SLC16A12: variants seen among roughly 807,000 people sequenced by gnomAD.
SLC16A12 encodes solute carrier family 16 member 12.
A neutral mutation model predicts 42.4 loss-of-function variants in SLC16A12; 17 were observed. The observed-to-expected ratio is 0.40, with a 90% CI of 0.27 to 0.60. The LOEUF (loss-of-function observed/expected upper bound fraction) is 0.60. Ranked by LOEUF, SLC16A12 falls within the 20% of genes least tolerant of loss-of-function variation. The probability of loss-of-function intolerance (pLI) is 0.42; values close to 1 mark genes in which losing one functional copy is unlikely to be tolerated. For synonymous variants in SLC16A12, 224 were observed against 229.4 expected, an observed-to-expected ratio of 0.98 and a Z score of 0.21; for missense variants, 544 against 623.0, an observed-to-expected ratio of 0.87 and a Z score of 1.35.
intron 2 of SLC16A12, among the ~76,000 whole-genome samples, chr10:89,528,692 G>A (rs1843494208): frequency 6.6e-6 from 1 of 152,090 alleles, no homozygotes; most frequent in African/African-American, 2.4e-5. Context: ...TTTCTAAAGA[G>A]GCACAAAATT....
upstream of SLC16A12, among the ~76,000 whole-genome samples, chr10:89,537,165 T>TTTTA (rs1186991213): frequency 3.5e-4 from 51 of 145,024 alleles, no homozygotes; most frequent in East Asian, 5.2e-3. Flanking sequence ...TTTTTTTTTT[T>TTTTA]GGGAAGGAGT....
chr10:89,496,705 G>A (rs1471285909), intron 2 of SLC16A12, among the ~76,000 whole-genome samples: 2 of 152,096 alleles, frequency 1.3e-5, no homozygotes, highest in African/African-American at 4.8e-5. Context: ...TGATTTGGAG[G>A]TATGGAAAGA....
In SLC16A12 at chr10:89,438,823, C is replaced by A; in HGVS notation, c.809G>T (p.Cys270Phe). Reference sequence around the variant, plus strand: ...TAAAAAACTGTACTCTTGCTGCAAACAGCAACAGAGGCAAGTCTGTGCCCA... The same window carrying A: ...TAAAAAACTGTACTCTTGCTGCAAAAAGCAACAGAGGCAAGTCTGTGCCCA... The part of the protein sequence containing the change: ...KEWAQTCLCC[C>F]LQQEYSFLLM... Residue 270 changes from cysteine to phenylalanine, a missense_variant, in exon 6 of 8, where the codon TGT becomes TTT. Coordinates refer to ENST00000371790, the MANE Select transcript of SLC16A12 (RefSeq NM_213606.4). 7 of 1,614,188 alleles carry A rather than the reference C, an allele frequency of 4.3e-6. No homozygotes were observed. In the Middle Eastern group the frequency reaches 9.9e-4, roughly 228 times the overall value.
intron 2 of SLC16A12, among the ~76,000 whole-genome samples, chr10:89,531,401 GA>G (rs1410075766): frequency 6.6e-6 from 1 of 151,900 alleles, no homozygotes. Context: ...CTGTCTCAAA[GA>G]AAAAAACAAA....
chr10:89,522,470 C>T (rs998623883), intron 2 of SLC16A12, among the ~76,000 whole-genome samples: 2 of 152,174 alleles, frequency 1.3e-5, no homozygotes, highest in Admixed American at 6.5e-5. Flanking sequence ...ATCTGAACAC[C>T]CAAACATTTC....
chr10:89,440,299 C>G (rs1450056920), intron 5 of SLC16A12, among the ~76,000 whole-genome samples: 1 of 152,092 alleles, frequency 6.6e-6, no homozygotes, highest in Non-Finnish European at 1.5e-5. Context: ...GTGTTAAAAC[C>G]AGGACAGTGC....
At chr10:89,459,218 T>C (rs957154023) in intron 3 of SLC16A12, among the ~76,000 whole-genome samples, 3 of 152,230 alleles carry the variant, frequency 2.0e-5, no homozygotes, top group Admixed American at 1.3e-4. Flanking sequence ...ATTTATTCCC[T>C]TGATACTATG....
At chr10:89,548,646 T>C (rs1315587713) in intron 2 of SLC16A12, among the ~76,000 whole-genome samples, 1 of 152,062 alleles carries the variant, frequency 6.6e-6, no homozygotes, top group East Asian at 1.9e-4. Flanking sequence ...TGAAACCCCA[T>C]CTCTACTAAA....
chr10:89,551,766 T>G (rs1453235625), intron 2 of SLC16A12, among the ~76,000 whole-genome samples: 1 of 152,208 alleles, frequency 6.6e-6, no homozygotes, highest in Non-Finnish European at 1.5e-5. Context: ...AAGAAGTGCC[T>G]TTTGCCTTCT....
chr10:89,463,514 G>A (rs1344111179), intron 2 of SLC16A12, among the ~76,000 whole-genome samples: 1 of 152,074 alleles, frequency 6.6e-6, no homozygotes, highest in Non-Finnish European at 1.5e-5. Context: ...TAAAGAAGTA[G>A]TTAAAAACCT....
At chr10:89,519,358 A>C (rs1843311422) in intron 2 of SLC16A12, among the ~76,000 whole-genome samples, 1 of 152,168 alleles carries the variant, frequency 6.6e-6, no homozygotes, top group Non-Finnish European at 1.5e-5. Flanking sequence ...TGTATCCCCT[A>C]AACCTAAAAC....
At chr10:89,451,626 G>T (rs1426932338) in intron 3 of SLC16A12, among the ~76,000 whole-genome samples, 1 of 152,012 alleles carries the variant, frequency 6.6e-6, no homozygotes, top group African/African-American at 2.4e-5. Context: ...TAGTCAGGCT[G>T]GTCTCGAACT....
intron 3 of SLC16A12, among the ~76,000 whole-genome samples, chr10:89,448,730 T>C (rs10887961): frequency 0.35 from 53,805 of 152,020 alleles, 9,817 homozygotes; most frequent in African/African-American, 0.41. Context: ...CACTCCTATT[T>C]AACATAGTGT....
chr10:89,534,939 G>T (rs1843628058), intron 1 of SLC16A12, among the ~76,000 whole-genome samples: 1 of 152,022 alleles, frequency 6.6e-6, no homozygotes, highest in South Asian at 2.1e-4. Flanking sequence ...TGTTACGAAC[G>T]CTTTTCCGAG....
At chr10:89,471,193 C>T (rs1010851307) in intron 2 of SLC16A12, among the ~76,000 whole-genome samples, 1 of 152,188 alleles carries the variant, frequency 6.6e-6, no homozygotes, top group Admixed American at 6.5e-5. Flanking sequence ...GTAATTACAA[C>T]CACCACAATC....
chr10:89,531,206 A>G (rs1452296318), intron 2 of SLC16A12, among the ~76,000 whole-genome samples: 1 of 151,798 alleles, frequency 6.6e-6, no homozygotes, highest in East Asian at 1.9e-4. Flanking sequence ...CCTTGCCAAC[A>G]TGGTGATATC....
At chr10:89,490,380 G>A (rs544203117) in intron 2 of SLC16A12, among the ~76,000 whole-genome samples, 7 of 152,206 alleles carry the variant, frequency 4.6e-5, no homozygotes, top group East Asian at 3.9e-4. Context: ...CAAGTTAAGG[G>A]GCTCGGTCTC....
chr10:89,499,161 G>A (rs918933276), intron 2 of SLC16A12, among the ~76,000 whole-genome samples: 2 of 152,028 alleles, frequency 1.3e-5, no homozygotes, highest in Non-Finnish European at 2.9e-5. Context: ...AATTCAGAAG[G>A]TTAGTTATTA....
intron 2 of SLC16A12, among the ~76,000 whole-genome samples, chr10:89,489,835 A>G (rs1027589538): frequency 2.0e-5 from 3 of 152,166 alleles, no homozygotes; most frequent in African/African-American, 7.2e-5. Flanking sequence ...AAATATGATG[A>G]AAAAAGGTAT....
Sources: gnomAD v4.1 joint callset for allele counts (sites outside exome capture counted in the v4.1 genomes callset) on GRCh38, gnomAD v4.1.1 for gene constraint, MANE v1.5 for transcripts, NCBI Gene and HGNC (gene_info 2026-07-23, HGNC 2026-07-21) for gene names.